Variants in NPHS1 observed in about 807,000 individuals in gnomAD.
The protein encoded by NPHS1 is nephrin.
Under a neutral mutation model 139.7 loss-of-function variants are expected in NPHS1, and 107 were observed. The ratio of observed to expected loss-of-function variants is 0.77; its 90% CI spans 0.66 to 0.90. NPHS1 has a LOEUF of 0.90. Ranked by LOEUF, NPHS1 falls within the 40% of genes least tolerant of loss-of-function variation. The pLI is 0.00. For missense variants in NPHS1, 1,580 were observed against 1,654.2 expected (o/e 0.96, Z 0.78); for synonymous variants, 707 against 706.6 (o/e 1.00, Z -0.01).
chr19:35,844,503 T>A, intron 14 of NPHS1, 44 bp from the exon 15 acceptor site: 2 of 1,540,118 alleles, frequency 1.3e-6, no homozygotes, highest in Middle Eastern at 1.7e-4. Context: ...TTGTTAAGGT[T>A]AGGGTCAAGG....
chr19:35,840,788 A>G (rs953230422), intron 20 of NPHS1, among the ~76,000 whole-genome samples: 12 of 149,190 alleles, frequency 8.0e-5, no homozygotes, highest in Non-Finnish European at 1.8e-4. Context: ...TCCTGGGTTC[A>G]AACAATTCTT....
intron 28 of NPHS1, among the ~76,000 whole-genome samples, chr19:35,829,942 A>G (rs1341752008): frequency 1.3e-5 from 2 of 151,922 alleles, no homozygotes; most frequent in African/African-American, 2.4e-5. Flanking sequence ...GAGATTAGAG[A>G]TATGAGCCGT....
In NPHS1 at chr19:35,838,847, C is replaced by CA. The variant is rs1166003088; in HGVS notation, c.3109+389dup. Reference sequence around the variant, plus strand: ...GGGCAACAAGAGTGAAACTCCATCTCAAAAAAATAAAAAAAAATTAAATAA... The same window carrying CA: ...GGGCAACAAGAGTGAAACTCCATCTCAAAAAAAATAAAAAAAAATTAAATAA... On this transcript the variant is annotated intron_variant, in intron 22 of 28. Coordinates refer to ENST00000378910, the MANE Select transcript of NPHS1 (RefSeq NM_004646.4). 2.7e-5 allele frequency among the ~76,000 whole-genome samples: 4 copies of CA among 150,494 alleles called. No homozygotes were observed. The East Asian group carries it at 7.7e-4, about 29-fold the overall frequency.
chr19:35,836,259 A>T (rs1311303185), intron 22 of NPHS1, among the ~76,000 whole-genome samples: 24 of 135,490 alleles, frequency 1.8e-4, no homozygotes, highest in African/African-American at 5.7e-4. Context: ...GCGCCTGGCC[A>T]TTTTTTTTTT....
In NPHS1 at chr19:35,852,011, C is replaced by T. The variant is rs1973279780; in HGVS notation, c.-174G>A. On this transcript the variant is annotated 5_prime_UTR_variant, in exon 1 of 29. Coordinates refer to ENST00000378910, the MANE Select transcript of NPHS1 (RefSeq NM_004646.4). ...CTTCCCCTCTTCCCTGTGAGTATCT[C>T]TCTCTGTCTTGCTCTCAGTCTCAAT... is the stretch of plus-strand genomic sequence containing the variant. 6.6e-6 allele frequency among the ~76,000 whole-genome samples: 1 copy of T among 152,086 alleles called. No homozygotes were observed. Among genetic ancestry groups the T allele is most frequent in the Non-Finnish European group, 1.5e-5 (1 of 67,996 alleles).
In NPHS1 at chr19:35,848,062, C is replaced by A. The variant is rs779554316; in HGVS notation, c.1419G>T (p.Glu473Asp). The A allele has an allele frequency of 6.2e-7, 1 of 1,613,748 alleles. No homozygotes were observed. The highest frequency in any genetic ancestry group is 1.3e-5 in the African/African-American group (1 of 74,936). ...CAACCTTGTACCACATGAGGGAGGG[C>A]TCTGGGTTGCCCCCGATAGCCAAAC... Reference protein sequence around the residue: ...LVCLAIGGNPEPSLMWYKDSR... With the variant: ...LVCLAIGGNPDPSLMWYKDSR... The change falls in exon 11 of 29, where the codon GAG becomes GAT. Residue 473 changes from glutamate to aspartate, a missense_variant. Glu to Asp is a conservative substitution (Grantham distance 45). Coordinates refer to ENST00000378910, the MANE Select transcript of NPHS1 (RefSeq NM_004646.4).
At chr19:35,847,876 A>G in intron 11 of NPHS1, 165 bp downstream of exon 11, 1 of 682,526 alleles carries the variant, frequency 1.5e-6, no homozygotes. Context: ...TTTAATTCTC[A>G]TAGCATTTGT....
At chr19:35,844,862 C>T (rs546893674) in intron 14 of NPHS1, among the ~76,000 whole-genome samples, 2 of 152,246 alleles carry the variant, frequency 1.3e-5, no homozygotes, top group South Asian at 2.1e-4. Context: ...CAGTGGCTCA[C>T]GCCTATAATC....
chr19:35,844,783 G>A (rs1973111884), intron 14 of NPHS1, among the ~76,000 whole-genome samples: 1 of 152,108 alleles, frequency 6.6e-6, no homozygotes, highest in South Asian at 2.1e-4. Flanking sequence ...ATGAAGGTCG[G>A]GAGTTTCAAG....
chr19:35,835,326 G>T (rs1157318684), intron 23 of NPHS1, among the ~76,000 whole-genome samples: 10 of 119,560 alleles, frequency 8.4e-5, no homozygotes, highest in African/African-American at 2.8e-4. Flanking sequence ...TTGAGATAGG[G>T]TCTCCCTCTG....
At chr19:35,826,747 G>A (rs1972805821) in intron 28 of NPHS1, 102 bp from the exon 29 acceptor site, 8 of 1,346,174 alleles carry the variant, frequency 5.9e-6, no homozygotes, top group Non-Finnish European at 8.5e-6. Context: ...CCAGAAAAAA[G>A]TGTTTTAGCT....
In NPHS1 at chr19:35,842,032, G is replaced by A. The variant is rs111525049; in HGVS notation, c.2663+92C>T. ...CACTCACTCATTCCTCCACCCATTC[G>A]TCTTCCTTCTCTGCAGGGACTCAGG... is the stretch of plus-strand genomic sequence containing the variant. On this transcript the variant is annotated intron_variant, in intron 19 of 28. Coordinates refer to ENST00000378910, the MANE Select transcript of NPHS1 (RefSeq NM_004646.4). 326 of 1,462,440 alleles carry A rather than the reference G, an allele frequency of 2.2e-4. 2 individuals are homozygous for A. In the African/African-American group the frequency reaches 2.3e-3, roughly 10 times the overall value. The allele number at this position is 1,462,440 out of a possible 1,614,324, so 90.6% of individuals were successfully genotyped here. A position where few individuals can be genotyped will look rare whatever the true frequency, so the allele number is the denominator to read the frequency against.
intron 11 of NPHS1, among the ~76,000 whole-genome samples, chr19:35,847,192 C>T (rs1452346374): frequency 2.0e-5 from 3 of 151,666 alleles, no homozygotes; most frequent in African/African-American, 7.3e-5. Context: ...ACTACAGGCA[C>T]CTGCCACCAC....
chr19:35,848,521 C>T, intron 9 of NPHS1, 116 bp downstream of exon 9: 3 of 1,580,944 alleles, frequency 1.9e-6, no homozygotes, highest in East Asian at 2.3e-5. Context: ...CTCTGTTGGA[C>T]CCATGGTCCT....
intron 11 of NPHS1, among the ~76,000 whole-genome samples, chr19:35,846,752 TATG>T (rs1196124603): frequency 6.6e-6 from 1 of 152,220 alleles, no homozygotes; most frequent in Admixed American, 6.5e-5. Context: ...TATAATATCT[TATG>T]ATCCCAGTCT....
Position 35,845,380 on chromosome 19 carries a change from G to A in NPHS1, c.1918C>T (p.Leu640Phe). 1 of 1,614,274 alleles carries A rather than the reference G, an allele frequency of 6.2e-7. No homozygotes were observed. The highest frequency in any genetic ancestry group is 8.5e-7 in the Non-Finnish European group (1 of 1,180,046). Reference protein sequence around the residue: ...LRETVSSFYRLNVLYRPEFLG... With the variant: ...LRETVSSFYRFNVLYRPEFLG... ...CCGGGGCACATACACAGTACGTTGA[G>A]GCGATAGAAGGAGCTCACGGTTTCG... Residue 640 changes from leucine (L) to phenylalanine (F), a missense_variant, in exon 14 of 29, where the codon CTC becomes TTC. By Grantham distance (22) the Leu-to-Phe change is conservative. Transcript: ENST00000378910. The surrounding 1 kb of genome is among the most constrained non-coding windows in gnomAD (Gnocchi z 5.5).
intron 28 of NPHS1, among the ~76,000 whole-genome samples, chr19:35,830,612 T>C (rs1972863508): frequency 6.6e-6 from 1 of 152,224 alleles, no homozygotes; most frequent in Admixed American, 6.5e-5. Context: ...AGTCACTATA[T>C]TGCCCAGGCT....
At position 35,849,014 on chromosome 19, in the gene NPHS1, G is replaced by A. The variant is rs748444469; in HGVS notation, c.974C>T (p.Ala325Val). ...TGTGATGCCGTGCTCCTGGGTCCCT[G>A]CAGACACGCTGTTGTGGGCCTCGCA... ...LSCEAHNSVS[A>V]GTQEHGITLQ... is the part of the protein sequence containing the mutation. The change falls in exon 8 of 29, where the codon GCA (alanine) becomes GTA (valine). Residue 325 changes from alanine to valine, a missense_variant. By Grantham distance (64) the Ala-to-Val change is moderately conservative. Transcript: ENST00000378910. 11 of 1,612,168 alleles carry A rather than the reference G, an allele frequency of 6.8e-6. No individual in the cohort carries two copies. Among genetic ancestry groups the A allele is most frequent in the Non-Finnish European group, 8.5e-6 (10 of 1,180,050 alleles).
At position 35,825,864 on chromosome 19, in the gene NPHS1, CAT is replaced by C. The variant is rs1406709632; in HGVS notation, c.*648_*649del. The C allele has an allele frequency of 3.3e-5, 5 of 152,278 alleles. No homozygotes were observed. Among genetic ancestry groups the C allele is most frequent in the Admixed American group, 3.3e-4 (5 of 15,268 alleles). 9.4% of individuals were successfully genotyped at this position (152,278 alleles called of 1,614,324 possible). On this transcript the variant is annotated 3_prime_UTR_variant, in exon 29 of 29. Transcript: ENST00000378910. ...GGAATGCAAAATGAACAGAGTTTTTCATATGTCTTTCCCCACTTCTGAAAACT... is the reference window on the plus strand; with the variant it reads ...GGAATGCAAAATGAACAGAGTTTTTCATGTCTTTCCCCACTTCTGAAAACT...
Sources: allele counts gnomAD v4.1 joint callset (sites outside exome capture counted in the v4.1 genomes callset), GRCh38; gene constraint gnomAD v4.1.1; non-coding constraint Gnocchi (gnomAD v3.1); transcripts MANE v1.5; gene names NCBI Gene and HGNC (gene_info 2026-07-23, HGNC 2026-07-21).